Variants in PTGER3 observed in about 807,000 individuals in gnomAD.
The protein encoded by PTGER3 is prostaglandin E receptor 3.
Under a neutral mutation model 34.7 loss-of-function variants are expected in PTGER3, and 22 were observed. The observed-to-expected ratio is 0.63, with a 90% CI of 0.45 to 0.91. PTGER3 has a LOEUF of 0.91. Among genes scored for constraint, PTGER3 ranks in the 40% least tolerant of loss-of-function variants. PTGER3 has a pLI of 0.00. For synonymous variants in PTGER3, 241 were observed against 230.1 expected (o/e 1.05, Z -0.43); for missense variants, 468 against 519.4 (o/e 0.90, Z 0.96).
At chr1:71,012,204 A>G in intron 2 of PTGER3, 101 bp downstream of exon 2, 1 of 1,605,886 alleles carries the variant, frequency 6.2e-7, no homozygotes, top group Non-Finnish European at 8.5e-7. Context: ...ATGCAAGTTA[A>G]GTGTTTTCTT....
At chr1:71,027,659 C>G (rs1572970567) in intron 1 of PTGER3, among the ~76,000 whole-genome samples, 3 of 152,240 alleles carry the variant, frequency 2.0e-5, no homozygotes, top group African/African-American at 7.2e-5. Flanking sequence ...GCAGTACTAT[C>G]CAAGAGAAAT....
intron 4 of PTGER3, among the ~76,000 whole-genome samples, chr1:70,945,893 G>C (rs1238505298): frequency 6.6e-6 from 1 of 152,094 alleles, no homozygotes; most frequent in Non-Finnish European, 1.5e-5. Context: ...TCAGAAACCA[G>C]AGAATGCAAA....
downstream of PTGER3, among the ~76,000 whole-genome samples, chr1:70,949,276 C>G (rs957212089): frequency 1.3e-5 from 2 of 152,090 alleles, no homozygotes; most frequent in African/African-American, 4.8e-5. Context: ...TTGCCTGTGC[C>G]CTAAATTGCT....
In PTGER3 at chr1:70,930,128, A is replaced by G. The variant is rs79270147; in HGVS notation, c.*23+23635T>C. On this transcript the variant is annotated intron_variant, in intron 4 of 4. Transcript: ENST00000370931. The stretch of plus-strand genomic sequence containing the variant: ...ATGTTCCCAAAGTATTTCAAACAAT[A>G]ACAATAGATTTTGGCTTCATGGCTC... Among the ~76,000 whole-genome samples, 1,254 of 152,304 alleles carry G rather than the reference A, an allele frequency of 8.2e-3. 16 individuals are homozygous for G. The highest frequency in any genetic ancestry group is 0.029 in the African/African-American group (1,196 of 41,574).
chr1:70,990,093 G>A (rs962669251), intron 2 of PTGER3, among the ~76,000 whole-genome samples: 1 of 151,748 alleles, frequency 6.6e-6, no homozygotes, highest in African/African-American at 2.4e-5. Context: ...GTGGCTCACG[G>A]CTGTAATGCC....
chr1:70,864,380 G>T (rs1645995625), intron 4 of PTGER3, among the ~76,000 whole-genome samples: 3 of 152,024 alleles, frequency 2.0e-5, no homozygotes, highest in Admixed American at 6.6e-5. Flanking sequence ...TAGCAATTAG[G>T]GTGCCTTGCA....
At chr1:70,857,139 T>C (rs1412476499) in intron 4 of PTGER3, among the ~76,000 whole-genome samples, 1 of 152,228 alleles carries the variant, frequency 6.6e-6, no homozygotes, top group Admixed American at 6.5e-5. Context: ...ACGTCTTTTG[T>C]AGTTACTTAT....
intron 3 of PTGER3, among the ~76,000 whole-genome samples, chr1:70,972,419 G>T (rs1653186122): frequency 6.6e-6 from 1 of 151,982 alleles, no homozygotes; most frequent in Non-Finnish European, 1.5e-5. Context: ...TTCACACACG[G>T]TTGATGAAAT....
intron 4 of PTGER3, chr1:70,862,217 G>T: frequency 2.9e-6 from 2 of 694,368 alleles, no homozygotes; most frequent in Non-Finnish European, 4.0e-6. Context: ...TATGAAATGA[G>T]ATACATAAAA....
At chr1:71,021,892 T>C (rs1572954170) in intron 1 of PTGER3, among the ~76,000 whole-genome samples, 1 of 152,000 alleles carries the variant, frequency 6.6e-6, no homozygotes, top group Admixed American at 6.5e-5. Flanking sequence ...TCTATTCTAA[T>C]GCTGACATTT....
At chr1:71,025,187 T>C (rs1658819418) in intron 1 of PTGER3, among the ~76,000 whole-genome samples, 1 of 150,762 alleles carries the variant, frequency 6.6e-6, no homozygotes, top group Admixed American at 6.6e-5. Flanking sequence ...TTTTCCTTCC[T>C]TCCTTCCTTC....
intron 4 of PTGER3, among the ~76,000 whole-genome samples, chr1:70,935,802 G>T (rs1390650266): frequency 6.6e-6 from 1 of 151,718 alleles, no homozygotes; most frequent in Non-Finnish European, 1.5e-5. Flanking sequence ...GATGGGTGGA[G>T]ATTTCCAAGA....
At chr1:70,853,520 T>C in intron 4 of PTGER3, among the ~76,000 whole-genome samples, 1 of 152,220 alleles carries the variant, frequency 6.6e-6, no homozygotes, top group East Asian at 1.9e-4. Flanking sequence ...AACACATTTT[T>C]GAGAAAATCC....
chr1:70,900,330 A>G (rs1328018737), intron 4 of PTGER3, among the ~76,000 whole-genome samples: 1 of 151,940 alleles, frequency 6.6e-6, no homozygotes, highest in Non-Finnish European at 1.5e-5. Flanking sequence ...GGGTGTTCTT[A>G]CTATGTATAC....
downstream of PTGER3, among the ~76,000 whole-genome samples, chr1:70,948,560 A>G (rs977438943): frequency 1.3e-5 from 2 of 152,120 alleles, no homozygotes; most frequent in African/African-American, 4.8e-5. Flanking sequence ...GCTGCATACC[A>G]ATTTGCAGTC....
chr1:70,910,566 C>T (rs1258862722), intron 4 of PTGER3, among the ~76,000 whole-genome samples: 1 of 152,120 alleles, frequency 6.6e-6, no homozygotes, highest in Non-Finnish European at 1.5e-5. Flanking sequence ...GAGCCACTGA[C>T]TGTAGCTTTG....
chr1:70,998,216 C>G (rs1415178539), intron 2 of PTGER3: 1 of 152,192 alleles, frequency 6.6e-6, no homozygotes. Flanking sequence ...GAATATTAAT[C>G]AAAACCATAA....
In PTGER3 at chr1:71,047,449, A is replaced by G. The variant is rs1434236938; in HGVS notation, c.129T>C (p.Ser43=). Residue 43 remains serine, a synonymous_variant, in exon 1 of 4, where the codon TCT becomes TCC. Transcript: ENST00000306666. ...CGGACACCGATCCGCAATCCTCGCCAGACCCTGGAGGGCGCGTGAGGTTGC... is the reference window on the plus strand; with the variant it reads ...CGGACACCGATCCGCAATCCTCGCCGGACCCTGGAGGGCGCGTGAGGTTGC... The part of the protein sequence containing the change: ...ARGNLTRPPG[S]GEDCGSVSVA... The G allele has an allele frequency of 1.2e-6, 2 of 1,610,950 alleles. No homozygotes were observed. Among genetic ancestry groups the G allele is most frequent in the Admixed American group, 3.3e-5 (2 of 59,824 alleles).
At chr1:71,032,288 T>G (rs962029860) in intron 1 of PTGER3, among the ~76,000 whole-genome samples, 1 of 152,188 alleles carries the variant, frequency 6.6e-6, no homozygotes, top group Non-Finnish European at 1.5e-5. Flanking sequence ...TGGAAAATTC[T>G]CTGAGCCTGA....
Sources: allele counts gnomAD v4.1 joint callset (sites outside exome capture counted in the v4.1 genomes callset), GRCh38; gene constraint gnomAD v4.1.1; transcripts MANE v1.5; gene names NCBI Gene and HGNC (gene_info 2026-07-23, HGNC 2026-07-21).